Variants in RASSF3 observed in about 807,000 individuals in gnomAD.
RASSF3 encodes the protein ras association domain-containing protein 3.
A neutral mutation model predicts 19.9 loss-of-function variants in RASSF3; 19 were observed. That is an observed-to-expected ratio of 0.96 (90% confidence interval 0.67 to 1.40). RASSF3 has a LOEUF of 1.40. RASSF3 is among the 40% of genes most tolerant of loss of function. The pLI is 0.00. For synonymous variants in RASSF3, 110 were observed against 104.2 expected, an observed-to-expected ratio of 1.06 and a Z score of -0.34; for missense variants, 306 against 289.8, an observed-to-expected ratio of 1.06 and a Z score of -0.41.
At chr12:64,532,468 A>G (rs1252753460), upstream of RASSF3, among the ~76,000 whole-genome samples, 1 of 152,128 alleles carries the variant, frequency 6.6e-6, no homozygotes, top group African/African-American at 2.4e-5. Flanking sequence ...TCAATGGCTC[A>G]CCCTTTCAGA....
intron 2 of RASSF3, among the ~76,000 whole-genome samples, chr12:64,573,487 G>A (rs1439339919): frequency 2.0e-5 from 3 of 152,148 alleles, no homozygotes; most frequent in Admixed American, 6.5e-5. Flanking sequence ...CAAACTCAGA[G>A]GTAGTGTTGC....
At chr12:64,670,883 G>A (rs927470276) in intron 1 of RASSF3, among the ~76,000 whole-genome samples, 5 of 152,166 alleles carry the variant, frequency 3.3e-5, no homozygotes, top group Admixed American at 1.3e-4. Flanking sequence ...GAATCGGATA[G>A]ACCCGGGTAG....
At chr12:64,605,887 CAAAAA>C (rs34242846), upstream of RASSF3, among the ~76,000 whole-genome samples, 2 of 82,388 alleles carry the variant, frequency 2.4e-5, no homozygotes, top group African/African-American at 4.3e-5. Context: ...AACTCCGTCT[CAAAAA>C]AAAAAAAAAA....
At chr12:64,540,065 T>C (rs1868908909) in intron 1 of RASSF3, among the ~76,000 whole-genome samples, 1 of 152,210 alleles carries the variant, frequency 6.6e-6, no homozygotes, top group South Asian at 2.1e-4. Flanking sequence ...TGCCATTGCT[T>C]CTCTCCTTAC....
At chr12:64,645,989 G>A (rs1463873191) in intron 1 of RASSF3, among the ~76,000 whole-genome samples, 1 of 152,194 alleles carries the variant, frequency 6.6e-6, no homozygotes, top group Non-Finnish European at 1.5e-5. Context: ...AAATCATGCA[G>A]TATGCACTCT....
intron 3 of RASSF3, among the ~76,000 whole-genome samples, chr12:64,691,148 C>A (rs1313337773): frequency 6.6e-6 from 1 of 152,248 alleles, no homozygotes; most frequent in African/African-American, 2.4e-5. Flanking sequence ...AGGCATGAGC[C>A]ACCATGCCTG....
intron 1 of RASSF3, among the ~76,000 whole-genome samples, chr12:64,536,697 A>C (rs973384084): frequency 2.0e-5 from 3 of 152,268 alleles, no homozygotes; most frequent in Admixed American, 2.0e-4. Flanking sequence ...TAAATAAGGA[A>C]TTATATAGGA....
intron 1 of RASSF3, among the ~76,000 whole-genome samples, chr12:64,523,035 AAAG>A (rs1254491805): frequency 1.3e-5 from 2 of 152,196 alleles, no homozygotes; most frequent in South Asian, 2.1e-4. Context: ...TGCCAGCGCA[AAAG>A]AAGATGCCCA....
upstream of RASSF3, among the ~76,000 whole-genome samples, chr12:64,606,098 A>G (rs1172302068): frequency 1.3e-5 from 2 of 152,130 alleles, no homozygotes; most frequent in East Asian, 3.9e-4. Flanking sequence ...AAGAAGACAT[A>G]GTCTTTTTTT....
At chr12:64,512,339 C>T (rs571752700) in intron 1 of RASSF3, among the ~76,000 whole-genome samples, 128 of 152,100 alleles carry the variant, frequency 8.4e-4, no homozygotes, top group African/African-American at 2.8e-3. Flanking sequence ...AATGATCAGC[C>T]GGGCACAGTG....
intron 2 of RASSF3, among the ~76,000 whole-genome samples, chr12:64,599,785 C>A (rs1184412298): frequency 1.3e-5 from 2 of 152,160 alleles, no homozygotes; most frequent in African/African-American, 2.4e-5. Flanking sequence ...GTAATCCCAG[C>A]ACTTTGGGAG....
intron 1 of RASSF3, among the ~76,000 whole-genome samples, chr12:64,676,978 G>A (rs952428434): frequency 6.6e-6 from 1 of 151,986 alleles, no homozygotes; most frequent in Non-Finnish European, 1.5e-5. Flanking sequence ...GTGTTGCCCA[G>A]GCTGGTATTG....
chr12:64,613,175 G>A (rs1870429246), intron 1 of RASSF3, among the ~76,000 whole-genome samples: 1 of 152,068 alleles, frequency 6.6e-6, no homozygotes, highest in East Asian at 1.9e-4. Flanking sequence ...CACTCTTAAT[G>A]TAGAATGTTC....
At chr12:64,687,879 A>G (rs1165507700) in intron 2 of RASSF3, among the ~76,000 whole-genome samples, 1 of 152,160 alleles carries the variant, frequency 6.6e-6, no homozygotes, top group Non-Finnish European at 1.5e-5. Context: ...TTTGGCTAGC[A>G]TCTGCTCCGT....
At chr12:64,520,025 G>C (rs1276716392) in intron 1 of RASSF3, among the ~76,000 whole-genome samples, 4 of 152,074 alleles carry the variant, frequency 2.6e-5, no homozygotes, top group Non-Finnish European at 5.9e-5. Context: ...TAGTACTACT[G>C]TTGCAGGCTT....
intron 2 of RASSF3, among the ~76,000 whole-genome samples, chr12:64,598,749 T>A (rs1044505952): frequency 5.9e-5 from 9 of 152,048 alleles, no homozygotes; most frequent in East Asian, 1.9e-4. Flanking sequence ...TTTTTTTTTT[T>A]AAATTATACT....
rs144307622 is a variant in RASSF3, at chr12:64,628,774, G to T, written c.111+18031G>T. Among the ~76,000 whole-genome samples the T allele has an allele frequency of 4.8e-3, 736 of 152,268 alleles. 6 individuals carry two copies. Among genetic ancestry groups the T allele is most frequent in the Middle Eastern group, 0.014 (4 of 294 alleles). ...GGCCTCCCAAAGTGCTGGGATTACA[G>T]GTGTGAGCCACTACACCCGGCCTGA... On this transcript the variant is annotated intron_variant, in intron 1 of 4. Transcript: ENST00000542104.
At chr12:64,622,838 T>G (rs1451070923) in intron 1 of RASSF3, among the ~76,000 whole-genome samples, 1 of 151,788 alleles carries the variant, frequency 6.6e-6, no homozygotes, top group African/African-American at 2.4e-5. Context: ...TTTTTTTTTT[T>G]GAGATGGAGT....
chr12:64,549,380 A>C (rs1319005583), intron 2 of RASSF3, among the ~76,000 whole-genome samples: 2 of 152,186 alleles, frequency 1.3e-5, no homozygotes, highest in Non-Finnish European at 2.9e-5. Context: ...CCACAAAGTC[A>C]TTCTTAAAGT....
Sources: allele counts gnomAD v4.1 joint callset (sites outside exome capture counted in the v4.1 genomes callset), GRCh38; gene constraint gnomAD v4.1.1; transcripts MANE v1.5; gene names NCBI Gene and HGNC (gene_info 2026-07-23, HGNC 2026-07-21).